NTRK3: variants seen among roughly 807,000 people sequenced by gnomAD.
NTRK3 encodes the protein neurotrophic receptor tyrosine kinase 3.
NTRK3 carries 24 observed loss-of-function variants against 91.7 expected under a neutral mutation model. The ratio of observed to expected loss-of-function variants is 0.26; its 90% CI spans 0.19 to 0.37. The LOEUF (loss-of-function observed/expected upper bound fraction) is 0.37. NTRK3 is among the 10% of genes least tolerant of loss of function. The probability of loss-of-function intolerance (pLI) is 1.00; values close to 1 mark genes in which losing one functional copy is unlikely to be tolerated. For synonymous variants in NTRK3, 483 were observed against 404.0 expected (o/e 1.20, Z -2.34); for missense variants, 880 against 1,068.9 (o/e 0.82, Z 2.46).
In NTRK3 at chr15:88,063,773, T is replaced by C. The variant is rs1160009374; in HGVS notation, c.1397-30728A>G. Among the ~76,000 whole-genome samples, 7 of 152,268 alleles carry C rather than the reference T, an allele frequency of 4.6e-5. No homozygotes were observed. The East Asian group carries it at 1.4e-3, about 29-fold the overall frequency. On this transcript the variant is annotated intron_variant, in intron 13 of 18. Transcript: ENST00000394480. ...GATACGTGTTGAATAGGTGGAAGAA[T>C]GAATGAACCACTCCCCACAACTTCT...
chr15:88,209,468 A>G (rs2049059735), intron 3 of NTRK3, among the ~76,000 whole-genome samples: 1 of 152,260 alleles, frequency 6.6e-6, no homozygotes, highest in South Asian at 2.1e-4. Flanking sequence ...AACGGAATTC[A>G]CATCCTATAC....
chr15:88,244,643 G>A (rs1234236705), intron 3 of NTRK3, among the ~76,000 whole-genome samples: 1 of 152,140 alleles, frequency 6.6e-6, no homozygotes, highest in Non-Finnish European at 1.5e-5. Flanking sequence ...TTCCCTCCCT[G>A]CAGAAATCAT....
At chr15:88,232,622 G>A (rs567860328) in intron 3 of NTRK3, among the ~76,000 whole-genome samples, 7 of 152,238 alleles carry the variant, frequency 4.6e-5, no homozygotes, top group African/African-American at 7.2e-5. Context: ...GAAAGGAACC[G>A]GCTTCTGACA....
In NTRK3 at chr15:87,979,170, T is replaced by C. The variant is rs917594652; in HGVS notation, c.1586-38417A>G. The C allele has an allele frequency of 2.0e-5, 13 of 657,602 alleles. No homozygotes were observed. The African/African-American group carries it at 2.4e-4, about 12-fold the overall frequency. 40.7% of individuals were successfully genotyped at this position (657,602 alleles called of 1,614,324 possible). A position where few individuals can be genotyped will look rare whatever the true frequency, so the allele number is the denominator to read the frequency against. On this transcript the variant is annotated intron_variant, in intron 14 of 18. Coordinates refer to ENST00000394480, the Ensembl canonical transcript of NTRK3. Reference sequence around the variant, plus strand: ...AGGGAAGGGGCAACCCTGCCAGTGGTGGATGGGGGAAAACACCCATCTGGT... The same window carrying C: ...AGGGAAGGGGCAACCCTGCCAGTGGCGGATGGGGGAAAACACCCATCTGGT...
At chr15:88,180,309 C>T (rs2046343465) in intron 5 of NTRK3, among the ~76,000 whole-genome samples, 1 of 152,082 alleles carries the variant, frequency 6.6e-6, no homozygotes, top group African/African-American at 2.4e-5. Flanking sequence ...GGAAAATATT[C>T]CCATCTCTCA....
At chr15:88,051,159 CCACCTCTGCCA>C (rs555035196) in intron 13 of NTRK3, among the ~76,000 whole-genome samples, 174 of 152,296 alleles carry the variant, frequency 1.1e-3, no homozygotes, top group Non-Finnish European at 2.1e-3. Context: ...ATCTACATTT[CCACCTCTGCCA>C]CACCTGTGCT....
chr15:88,179,872 T>G (rs1215193447), intron 5 of NTRK3, among the ~76,000 whole-genome samples: 1 of 152,198 alleles, frequency 6.6e-6, no homozygotes, highest in African/African-American at 2.4e-5. Context: ...TTATCCGAAT[T>G]TATTCATCAG....
chr15:88,205,770 G>T (rs1342960105), intron 3 of NTRK3: 1 of 152,180 alleles, frequency 6.6e-6, no homozygotes, highest in East Asian at 1.9e-4. Context: ...AGGACTTTGG[G>T]GATGGGAAGG....
At chr15:87,917,999 T>G (rs77102247) in intron 17 of NTRK3, among the ~76,000 whole-genome samples, 47 of 39,704 alleles carry the variant, frequency 1.2e-3, no homozygotes, top group African/African-American at 3.9e-3. Flanking sequence ...TTTTTTGTGT[T>G]TTTTTTTTGT....
rs1389081945 is a variant in NTRK3, at chr15:88,135,270, G to C, written c.1035C>G (p.Ser345=). 2 of 1,614,072 alleles carry C rather than the reference G, an allele frequency of 1.2e-6. No homozygotes were observed. Among genetic ancestry groups the C allele is most frequent in the Admixed American group, 3.3e-5 (2 of 60,008 alleles). Residue 345 remains serine (S), a synonymous_variant, in exon 10 of 19, where the codon TCC becomes TCG. Transcript: ENST00000394480. ...GGTAGTATTCCACATGGATGATCTTGGACTCCCGCAGAGGCTGCCCATTGT... is the reference window on the plus strand; with the variant it reads ...GGTAGTATTCCACATGGATGATCTTCGACTCCCGCAGAGGCTGCCCATTGT...
At chr15:88,101,222 T>G (rs1016302987) in intron 13 of NTRK3, among the ~76,000 whole-genome samples, 1 of 152,174 alleles carries the variant, frequency 6.6e-6, no homozygotes, top group African/African-American at 2.4e-5. Flanking sequence ...GAATAGACAC[T>G]TCTCAAAAGA....
chr15:87,859,777 G>A (rs774885873), exon 19 of NTRK3: 32 of 175,594 alleles, frequency 1.8e-4, no homozygotes, highest in South Asian at 6.0e-4. Flanking sequence ...TATTTGAGAA[G>A]AGACCCTACA....
chr15:88,182,357 C>T (rs2046552622), intron 5 of NTRK3, among the ~76,000 whole-genome samples: 1 of 152,170 alleles, frequency 6.6e-6, no homozygotes, highest in Non-Finnish European at 1.5e-5. Context: ...CTTCCCTTTC[C>T]CCACCTTCCC....
At chr15:88,033,157 T>A (rs1596840167) in intron 13 of NTRK3, 112 bp from the exon 14 acceptor site, 2 of 705,494 alleles carry the variant, frequency 2.8e-6, no homozygotes, top group East Asian at 6.2e-5. Flanking sequence ...TTTTCTTTTT[T>A]TTACTTTTGG....
intron 17 of NTRK3, among the ~76,000 whole-genome samples, chr15:87,897,251 C>T (rs1426997155): frequency 6.6e-6 from 1 of 152,140 alleles, no homozygotes; most frequent in African/African-American, 2.4e-5. Flanking sequence ...CTGAGGGAAG[C>T]CCCAGGAACA....
At chr15:87,875,258 G>A (rs1470106875) in exon 19 of NTRK3, 5 of 229,990 alleles carry the variant, frequency 2.2e-5, no homozygotes, top group Admixed American at 1.1e-4. Flanking sequence ...CTTGGGGCAA[G>A]GCAGAGGGGC....
chr15:87,909,364 G>A (rs7161806), intron 17 of NTRK3, among the ~76,000 whole-genome samples: 59,201 of 151,996 alleles, frequency 0.39, 12,913 homozygotes, highest in East Asian at 0.56. Flanking sequence ...GTGTGCAAGA[G>A]ACAAGAGACA....
intron 17 of NTRK3, among the ~76,000 whole-genome samples, chr15:87,923,165 T>C (rs912183470): frequency 6.6e-6 from 1 of 152,258 alleles, no homozygotes; most frequent in African/African-American, 2.4e-5. Context: ...TAGTTTTTCT[T>C]CATCCTTAAC....
chr15:88,152,858 C>T (rs1224433419), intron 5 of NTRK3, among the ~76,000 whole-genome samples: 1 of 152,200 alleles, frequency 6.6e-6, no homozygotes, highest in East Asian at 1.9e-4. Flanking sequence ...CCCACTTGCC[C>T]ACCCCCTGGG....
Sources: allele counts gnomAD v4.1 joint callset (sites outside exome capture counted in the v4.1 genomes callset), GRCh38; gene constraint gnomAD v4.1.1; transcripts MANE v1.5; gene names NCBI Gene and HGNC (gene_info 2026-07-23, HGNC 2026-07-21).